Variants in HERC2 observed in about 807,000 individuals in gnomAD.
HERC2 encodes the protein HECT and RLD domain containing E3 ubiquitin protein ligase 2.
Under a neutral mutation model 537.7 loss-of-function variants are expected in HERC2, and 102 were observed. That is an observed-to-expected ratio of 0.19 (90% CI 0.16 to 0.22). The LOEUF is 0.22. Ranked by LOEUF, HERC2 falls within the 10% of genes least tolerant of loss-of-function variation. The probability of loss-of-function intolerance (pLI) is 1.00; values close to 1 mark genes in which losing one functional copy is unlikely to be tolerated. For synonymous variants in HERC2, 2,224 were observed against 2,466.2 expected (o/e 0.90, Z 2.91); for missense variants, 4,236 against 6,198.2 (o/e 0.68, Z 10.63).
chr15:28,316,733 C>T (rs1274152662), intron 2 of HERC2, among the ~76,000 whole-genome samples: 2 of 152,284 alleles, frequency 1.3e-5, no homozygotes, highest in South Asian at 2.1e-4. Flanking sequence ...AGCCTGAGAA[C>T]AGAATTTATC....
rs532704507 is a variant in HERC2 at position 28,120,481 on chromosome 15, T to C, written c.13272+865A>G. Among the ~76,000 whole-genome samples the C allele has an allele frequency of 3.2e-4, 49 of 152,372 alleles. No individual in the cohort carries two copies. The South Asian group carries it at 9.7e-3, about 30-fold the overall frequency. On this transcript the variant is annotated intron_variant, in intron 86 of 92. Transcript: ENST00000261609. ...TTCATTTGAGCATTAAATGTCAAGT[T>C]CTGCACGCTATCATCATCAGGGGCC...
At chr15:28,158,982 T>G (rs1893299427) in intron 69 of HERC2, among the ~76,000 whole-genome samples, 1 of 152,202 alleles carries the variant, frequency 6.6e-6, no homozygotes, top group Non-Finnish European at 1.5e-5. Flanking sequence ...ATTTTATTTC[T>G]CCTTCACTTA....
chr15:28,240,261 AC>A (rs760909427), intron 23 of HERC2, among the ~76,000 whole-genome samples: 2 of 152,142 alleles, frequency 1.3e-5, no homozygotes, highest in Non-Finnish European at 2.9e-5. Flanking sequence ...TACTAAAAAT[AC>A]AAAAAATTAG....
chr15:28,117,064 C>T lies in HERC2; in HGVS notation c.13363G>A (p.Gly4455Ser), dbSNP rs746720431. The T allele has an allele frequency of 1.9e-6, 3 of 1,614,172 alleles. No homozygotes were observed. The highest frequency in any genetic ancestry group is 2.7e-5 in the African/African-American group (2 of 75,064). Residue 4455 changes from glycine to serine, a missense_variant, in exon 87 of 93, where the codon GGT becomes AGT. Coordinates refer to ENST00000261609, the MANE Select transcript of HERC2 (RefSeq NM_004667.6). ...GQMCAKMSSF[G>S]PDSLLLPHRV... The stretch of plus-strand genomic sequence containing the variant: ...TGAGGAAGGAGGAGGCTGTCGGGAC[C>T]AAACGAGCTCATCTTAGCACACATC...
At chr15:28,143,128 G>A (rs56013620) in intron 74 of HERC2, among the ~76,000 whole-genome samples, 176 bp from the exon 75 acceptor site, 19,976 of 151,888 alleles carry the variant, frequency 0.13, 4,420 homozygotes, top group African/African-American at 0.46. Context: ...CATAAACACT[G>A]AAATAAAAAA....
Position 28,268,502 on chromosome 15 carries a change from A to G in HERC2, c.1561T>C (p.Cys521Arg). The change falls in exon 12 of 93, where the codon TGT (cysteine) becomes CGT (arginine). Residue 521 changes from cysteine (C) to arginine (R), a missense_variant. Coordinates refer to ENST00000261609, the MANE Select transcript of HERC2 (RefSeq NM_004667.6). This position sits in a 1 kb window ranked among gnomAD's most constrained non-coding sequence, Gnocchi z 4.7. ...TGGCCCAGCCGTCCGCCGTCCCCACAGCCCCAGGAGTACACCTCTCCAGTA... is the reference window on the plus strand; with the variant it reads ...TGGCCCAGCCGTCCGCCGTCCCCACGGCCCCAGGAGTACACCTCTCCAGTA... ...AATGEVYSWG[C>R]GDGGRLGHGD... 1.9e-6 allele frequency: 3 copies of G among 1,614,142 alleles called. No homozygotes were observed. The highest frequency in any genetic ancestry group is 2.5e-6 in the Non-Finnish European group (3 of 1,179,992).
intron 74 of HERC2, among the ~76,000 whole-genome samples, 181 bp downstream of exon 74, chr15:28,143,692 C>G (rs1410276147): frequency 6.6e-6 from 1 of 152,058 alleles, no homozygotes; most frequent in Non-Finnish European, 1.5e-5. Flanking sequence ...GTGATCCGCC[C>G]ACCTCAGCCT....
At chr15:28,214,523 G>A (rs1246189792) in intron 40 of HERC2, 132 bp downstream of exon 40, 12 of 1,260,844 alleles carry the variant, frequency 9.5e-6, no homozygotes, top group Admixed American at 1.7e-5. Context: ...GAAGGGAGAC[G>A]GCCACCCACC....
At chr15:28,136,966 T>C (rs1284420790) in intron 78 of HERC2, among the ~76,000 whole-genome samples, 1 of 151,564 alleles carries the variant, frequency 6.6e-6, no homozygotes, top group Non-Finnish European at 1.5e-5. Flanking sequence ...TGGTAAGAAA[T>C]GATAGTAAGC....
rs184558965 is a variant in HERC2 at position 28,260,256 on chromosome 15, G to C, written c.2316+521C>G. Reference sequence around the variant, plus strand: ...ACACCATACTAACACACTAAAGAAGGAAAACTGCATGACCATTTCATTTGA... The same window carrying C: ...ACACCATACTAACACACTAAAGAAGCAAAACTGCATGACCATTTCATTTGA... On this transcript the variant is annotated intron_variant, in intron 16 of 92. Coordinates refer to ENST00000261609, the MANE Select transcript of HERC2 (RefSeq NM_004667.6). Among the ~76,000 whole-genome samples, 3 of 152,130 alleles carry C rather than the reference G, an allele frequency of 2.0e-5. No individual in the cohort carries two copies. In the East Asian group the frequency reaches 5.8e-4, roughly 29 times the overall value.
At chr15:28,306,028 A>G (rs2076777700) in intron 2 of HERC2, among the ~76,000 whole-genome samples, 1 of 152,206 alleles carries the variant, frequency 6.6e-6, no homozygotes, top group African/African-American at 2.4e-5. Flanking sequence ...TCAGGAAACA[A>G]CAGGTGCTGG....
chr15:28,248,774 A>T lies in HERC2; in HGVS notation c.3051-38T>A, dbSNP rs768913594. 2.6e-6 allele frequency: 4 copies of T among 1,525,536 alleles called. No homozygotes were observed. In the African/African-American group the frequency reaches 5.5e-5, roughly 21 times the overall value. The allele number at this position is 1,525,536 out of a possible 1,614,324, so 94.5% of individuals were successfully genotyped here. On this transcript the variant is annotated intron_variant, in intron 20 of 92. Transcript: ENST00000261609. Reference sequence around the variant, plus strand: ...GAAGAGGATTACAAAATTAAACAAGATATTTCTACTAAAAAGAAAATGGGA... The same window carrying T: ...GAAGAGGATTACAAAATTAAACAAGTTATTTCTACTAAAAAGAAAATGGGA...
intron 52 of HERC2, among the ~76,000 whole-genome samples, chr15:28,194,666 T>C (rs985141464): frequency 1.3e-5 from 2 of 152,192 alleles, no homozygotes; most frequent in African/African-American, 4.8e-5. Context: ...TTTGAGCATA[T>C]GACCCACTTA....
At chr15:28,304,165 CAAAAAAA>C (rs779514776) in intron 2 of HERC2, among the ~76,000 whole-genome samples, 1 of 63,816 alleles carries the variant, frequency 1.6e-5, no homozygotes, top group African/African-American at 5.5e-5. Context: ...GACTCCATCT[CAAAAAAA>C]AAAAAAAAAA....
chr15:28,144,783 G>A lies in HERC2; in HGVS notation c.11030C>T (p.Ser3677Phe). The A allele has an allele frequency of 6.2e-7, 1 of 1,614,184 alleles. No homozygotes were observed. Among genetic ancestry groups the A allele is most frequent in the African/African-American group, 1.3e-5 (1 of 75,040 alleles). ...VRSGREWSDW[S>F]SELRIPGDEL... ...ATCCCCTGGGATGCGCAGCTCGCTGGACCAGTCGGACCACTCTCGGCCTGC... is the reference window on the plus strand; with the variant it reads ...ATCCCCTGGGATGCGCAGCTCGCTGAACCAGTCGGACCACTCTCGGCCTGC... The change falls in exon 72 of 93, where the codon TCC (serine) becomes TTC (phenylalanine). Residue 3677 changes from serine to phenylalanine, a missense_variant. Transcript: ENST00000261609.
intron 40 of HERC2, 139 bp downstream of exon 40, chr15:28,214,516 G>C: frequency 8.5e-7 from 1 of 1,181,536 alleles, no homozygotes; most frequent in Non-Finnish European, 1.3e-6. Flanking sequence ...GCACAGGGAA[G>C]GGAGACGGCC....
At chr15:28,220,206 C>G (rs1036579821) in intron 37 of HERC2, among the ~76,000 whole-genome samples, 5 of 152,200 alleles carry the variant, frequency 3.3e-5, no homozygotes, top group Non-Finnish European at 7.3e-5. Flanking sequence ...CAAAGAGGGG[C>G]GGGTGCACAC....
chr15:28,119,625 T>G (rs1888663002), intron 86 of HERC2, among the ~76,000 whole-genome samples: 1 of 151,754 alleles, frequency 6.6e-6, no homozygotes, highest in African/African-American at 2.4e-5. Flanking sequence ...GGCTAATTTT[T>G]GTATTTTTTG....
At chr15:28,247,946 T>C (rs1903886831) in intron 21 of HERC2, among the ~76,000 whole-genome samples, 1 of 152,242 alleles carries the variant, frequency 6.6e-6, no homozygotes, top group Non-Finnish European at 1.5e-5. Context: ...GAAAGCCTCA[T>C]GATGGAGGGC....
Sources: allele counts gnomAD v4.1 joint callset (sites outside exome capture counted in the v4.1 genomes callset), GRCh38; gene constraint gnomAD v4.1.1; non-coding constraint Gnocchi (gnomAD v3.1); transcripts MANE v1.5; gene names NCBI Gene and HGNC (gene_info 2026-07-23, HGNC 2026-07-21).